Variants in NUP58 observed in about 807,000 individuals in gnomAD.
The protein encoded by NUP58 is nucleoporin p58/p45.
In NUP58, 17 loss-of-function variants were observed where a neutral mutation model predicts 70.1. That is an observed-to-expected ratio of 0.24 (90% CI 0.17 to 0.36). The LOEUF is 0.36. Among genes scored for constraint, NUP58 ranks in the 10% least tolerant of loss-of-function variants. NUP58 has a pLI of 1.00. For synonymous variants in NUP58, 275 were observed against 257.6 expected, an observed-to-expected ratio of 1.07 and a Z score of -0.65; for missense variants, 644 against 701.5, an observed-to-expected ratio of 0.92 and a Z score of 0.93.
chr13:25,301,928 A>G, intron 1 of NUP58, 48 bp downstream of exon 1: 2 of 1,087,060 alleles, frequency 1.8e-6, no homozygotes, highest in East Asian at 3.1e-5. Context: ...CCCCACCCCC[A>G]CCCCCGCAAA....
intron 12 of NUP58, among the ~76,000 whole-genome samples, chr13:25,330,933 CT>C (rs201782041): frequency 9.4e-5 from 14 of 148,228 alleles, no homozygotes; most frequent in East Asian, 2.0e-4. Flanking sequence ...TTTTTTCTTT[CT>C]TTTTTTTTTA....
At chr13:25,335,976 A>T (rs115802645) in intron 13 of NUP58, 31,965 of 578,780 alleles carry the variant, frequency 0.055, 376 homozygotes, top group Non-Finnish European at 0.065. Flanking sequence ...GCTTAGTTTT[A>T]AAAAAAAAAA....
At chr13:25,322,059 C>T (rs999520054) in intron 9 of NUP58, among the ~76,000 whole-genome samples, 4 of 152,106 alleles carry the variant, frequency 2.6e-5, no homozygotes, top group East Asian at 3.8e-4. Flanking sequence ...GAAAGGATGA[C>T]GATAGGTGAT....
chr13:25,308,954 A>G (rs770579026), intron 2 of NUP58, among the ~76,000 whole-genome samples: 8 of 152,254 alleles, frequency 5.3e-5, no homozygotes, highest in Non-Finnish European at 1.2e-4. Context: ...ACAGCTCAGT[A>G]TAGCATTTTG....
Position 25,303,735 on chromosome 13 carries a change from ATAAT to A in NUP58, c.107+1860_107+1863del, listed in dbSNP as rs146527008. ...TTTGTTGTCAGATCTCAGCACTAGA[ATAAT>A]TAATACCTATGTCTCTCACTGACTA... On this transcript the variant is annotated intron_variant, in intron 1 of 15. Transcript: ENST00000381736. Among the ~76,000 whole-genome samples, 58 of 152,334 alleles carry A rather than the reference ATAAT, an allele frequency of 3.8e-4. No individual in the cohort carries two copies. In the East Asian group the frequency reaches 0.01, roughly 27 times the overall value.
At chr13:25,324,644 C>CT (rs1475244784) in intron 9 of NUP58, among the ~76,000 whole-genome samples, 1 of 151,366 alleles carries the variant, frequency 6.6e-6, no homozygotes, top group East Asian at 1.9e-4. Flanking sequence ...TGCCACCTGC[C>CT]TTTTAAAAAA....
At chr13:25,309,322 C>G in intron 3 of NUP58, 40 bp downstream of exon 3, 1 of 1,462,938 alleles carries the variant, frequency 6.8e-7, no homozygotes, top group South Asian at 1.2e-5. Flanking sequence ...CTGTGGTCTT[C>G]TAATAATTTT....
rs564304447 is a variant in NUP58, at chr13:25,317,842, G to A, written c.686-1484G>A. The A allele has an allele frequency of 2.7e-5, 4 of 146,584 alleles. No individual in the cohort carries two copies. The South Asian group carries it at 8.7e-4, about 32-fold the overall frequency. 9.1% of individuals were successfully genotyped at this position (146,584 alleles called of 1,614,324 possible). A position where few individuals can be genotyped will look rare whatever the true frequency, so the allele number is the denominator to read the frequency against. On this transcript the variant is annotated intron_variant, in intron 6 of 15. Coordinates refer to ENST00000381736, the MANE Select transcript of NUP58 (RefSeq NM_014089.4). ...TGTGCAGAGGTAAAAGGTAAATGAGGAAAGTAAAATGCTTGATTTTTTTTT... is the reference window on the plus strand; with the variant it reads ...TGTGCAGAGGTAAAAGGTAAATGAGAAAAGTAAAATGCTTGATTTTTTTTT...
intron 9 of NUP58, among the ~76,000 whole-genome samples, chr13:25,324,671 G>A (rs371814721): frequency 1.6e-4 from 24 of 152,028 alleles, no homozygotes; most frequent in African/African-American, 2.4e-4. Flanking sequence ...TATTTTCTGC[G>A]TTTATATTAA....
downstream of NUP58, among the ~76,000 whole-genome samples, chr13:25,343,761 C>G (rs1278898527): frequency 6.7e-6 from 1 of 149,940 alleles, no homozygotes; most frequent in Admixed American, 6.7e-5. Context: ...CCAGCCAATT[C>G]ATCCATTCCT....
intron 8 of NUP58, 77 bp downstream of exon 8, chr13:25,320,672 C>A: frequency 9.2e-7 from 1 of 1,090,790 alleles, no homozygotes; most frequent in Non-Finnish European, 1.4e-6. Flanking sequence ...TCTCTTCCTC[C>A]TAAAATCGCA....
Position 25,320,908 on chromosome 13 carries a change from A to G in NUP58, c.777-11A>G, listed in dbSNP as rs1463090684. 4 of 1,515,436 alleles carry G rather than the reference A, an allele frequency of 2.6e-6. No individual in the cohort carries two copies. The highest frequency in any genetic ancestry group is 4.7e-5 in the Admixed American group (2 of 42,324). The allele number at this position is 1,515,436 out of a possible 1,614,324, so 93.9% of individuals were successfully genotyped here. A position where few individuals can be genotyped will look rare whatever the true frequency, so the allele number is the denominator to read the frequency against. ...CATTTTTTAAAACTCAGTTTTAAATATATTTTTTAGGAAATTTGTGAAGGA... is the reference window on the plus strand; with the variant it reads ...CATTTTTTAAAACTCAGTTTTAAATGTATTTTTTAGGAAATTTGTGAAGGA... On this transcript the variant is annotated splice_polypyrimidine_tract_variant and intron_variant, in intron 8 of 15. Coordinates refer to ENST00000381736, the MANE Select transcript of NUP58 (RefSeq NM_014089.4).
rs988584046 is a variant in NUP58 at position 25,301,662 on chromosome 13, G to T, written c.-112G>T. Reference sequence around the variant, plus strand: ...GCCGCCGTTGGGGCTGGAAGTTCCCGCCAGGTCCGTGCCGGGCGAGAGAGA... The same window carrying T: ...GCCGCCGTTGGGGCTGGAAGTTCCCTCCAGGTCCGTGCCGGGCGAGAGAGA... On this transcript the variant is annotated 5_prime_UTR_variant, in exon 1 of 16. Coordinates refer to ENST00000381736, the MANE Select transcript of NUP58 (RefSeq NM_014089.4). 1 of 544,790 alleles carries T rather than the reference G, an allele frequency of 1.8e-6. No homozygotes were observed. Among genetic ancestry groups the T allele is most frequent in the Non-Finnish European group, 3.0e-6 (1 of 329,376 alleles). The allele number at this position is 544,790 out of a possible 1,614,324, so 33.7% of individuals were successfully genotyped here.
intron 3 of NUP58, 33 bp from the exon 4 acceptor site, chr13:25,312,850 T>C: frequency 6.4e-7 from 1 of 1,552,322 alleles, no homozygotes; most frequent in Non-Finnish European, 8.7e-7. Context: ...AGGATTTTTG[T>C]TTGTTTGTTT....
At chr13:25,345,158 A>G (rs1440299512), downstream of NUP58, among the ~76,000 whole-genome samples, 1 of 152,208 alleles carries the variant, frequency 6.6e-6, no homozygotes, top group African/African-American at 2.4e-5. Flanking sequence ...AAGCAGAAAT[A>G]CCCAATTTAT....
chr13:25,315,924 T>G (rs2030910809), intron 6 of NUP58, among the ~76,000 whole-genome samples: 1 of 152,202 alleles, frequency 6.6e-6, no homozygotes, highest in Non-Finnish European at 1.5e-5. Flanking sequence ...CTCTCTGACC[T>G]TATTGAAGTT....
chr13:25,346,590 C>T (rs1017236568), downstream of NUP58, among the ~76,000 whole-genome samples: 5 of 151,826 alleles, frequency 3.3e-5, no homozygotes, highest in Non-Finnish European at 5.9e-5. Flanking sequence ...TGTGGTGGCA[C>T]ATGCCTATAA....
chr13:25,316,038 A>T (rs776738467), intron 6 of NUP58, among the ~76,000 whole-genome samples: 11 of 152,170 alleles, frequency 7.2e-5, no homozygotes, highest in Non-Finnish European at 1.6e-4. Context: ...TCCTTTTATT[A>T]TCAATGCTTG....
At chr13:25,335,695 A>G (rs993734317) in intron 13 of NUP58, 1 of 984,600 alleles carries the variant, frequency 1.0e-6, no homozygotes. Flanking sequence ...AGCAAAATGT[A>G]GTTCCTCGGT....
Sources: gnomAD v4.1 joint callset for allele counts (sites outside exome capture counted in the v4.1 genomes callset) on GRCh38, gnomAD v4.1.1 for gene constraint, MANE v1.5 for transcripts, NCBI Gene and HGNC (gene_info 2026-07-23, HGNC 2026-07-21) for gene names.